The following SSH3 variants were observed in gnomAD, a reference collection of about 807,000 sequenced individuals.
The protein encoded by SSH3 is protein phosphatase Slingshot homolog 3.
Under a neutral mutation model 75.0 loss-of-function variants are expected in SSH3, and 67 were observed. The ratio of observed to expected loss-of-function variants is 0.89; its 90% confidence interval spans 0.73 to 1.10. SSH3 has a LOEUF of 1.10. Ranked by LOEUF, SSH3 falls within the 50% of genes least tolerant of loss-of-function variation. The probability of loss-of-function intolerance (pLI) is 0.00; values close to 1 mark genes in which losing one functional copy is unlikely to be tolerated. For missense variants in SSH3, 824 were observed against 872.7 expected, an observed-to-expected ratio of 0.94 and a Z score of 0.70; for synonymous variants, 318 against 349.2, an observed-to-expected ratio of 0.91 and a Z score of 1.00.
At position 67,304,855 on chromosome 11, in the gene SSH3, GAGCCAACAGAGA is replaced by G. The variant is rs1425823457; in HGVS notation, c.190_201del (p.Pro64_Lys67del). On this transcript the variant is annotated inframe_deletion, in exon 3 of 14. Coordinates refer to ENST00000308127, the MANE Select transcript of SSH3 (RefSeq NM_017857.4). ...TGATGATGCAGCAGAGGCCAGTTCT[GAGCCAACAGAGA>G]AGGCCCCGAGTGAGGAGGAGCTCCA... 6.2e-7 allele frequency: 1 copy of G among 1,613,884 alleles called. No individual in the cohort carries two copies. The highest frequency in any genetic ancestry group is 2.2e-5 in the East Asian group (1 of 44,862).
At chr11:67,309,160 A>G in intron 10 of SSH3, 1 of 556,498 alleles carries the variant, frequency 1.8e-6, no homozygotes, top group Non-Finnish European at 3.2e-6. Flanking sequence ...GAAGGGCTGG[A>G]GTTGCAGTTG....
At chr11:67,311,533 T>C in intron 13 of SSH3, 58 bp from the exon 14 acceptor site, 1 of 1,598,382 alleles carries the variant, frequency 6.3e-7, no homozygotes. Flanking sequence ...GCTCTGTGCT[T>C]GGGCACCCCT....
At chr11:67,304,439 C>G (rs1332472931) in intron 2 of SSH3, among the ~76,000 whole-genome samples, 22 of 152,206 alleles carry the variant, frequency 1.4e-4, no homozygotes, top group Non-Finnish European at 1.3e-4. Flanking sequence ...CATGATGGGC[C>G]TGAGGACTCC....
intron 13 of SSH3, 21 bp from the exon 14 acceptor site, chr11:67,311,570 C>T (rs375916736): frequency 1.9e-5 from 30 of 1,612,258 alleles, no homozygotes; most frequent in East Asian, 6.7e-5. Flanking sequence ...CCATGGCTTC[C>T]GTATCCTCAC....
intron 1 of SSH3, 82 bp from the exon 2 acceptor site, chr11:67,304,036 C>G: frequency 6.7e-7 from 1 of 1,499,374 alleles, no homozygotes; most frequent in Non-Finnish European, 8.9e-7. Flanking sequence ...TTTCTGGCCT[C>G]CCCCAACTCT....
rs1253181375 is a variant in SSH3 at position 67,307,554 on chromosome 11, C to T, written c.608C>T (p.Thr203Ile). 12 of 1,609,446 alleles carry T rather than the reference C, an allele frequency of 7.5e-6. No homozygotes were observed. Among genetic ancestry groups the T allele is most frequent in the Non-Finnish European group, 1.0e-5 (12 of 1,177,238 alleles). The change falls in exon 7 of 14, where the codon ACA (threonine) becomes ATA (isoleucine). Residue 203 changes from threonine (T) to isoleucine (I), a missense_variant. Transcript: ENST00000308127. The surrounding 1 kb of genome is among the most constrained non-coding windows in gnomAD (Gnocchi z 4.2). ...KPISIQTMWA[T>I]LQVLHQACEA... ...AGCCTCTCCTCCTGTCTCAGGGCCA[C>T]ACTCCAGGTATTGCACCAAGCATGT...
rs374942490 is a variant in SSH3 at position 67,308,233 on chromosome 11, C to T, written c.945C>T (p.Ile315=). ...GLPLQQYRDF[I]DNQMLLLVAQ... ...CCCTCCAGCAGTACCGTGACTTCAT[C>T]GACAACCAGATGCTGCTGCTGGTGG... The change falls in exon 9 of 14, where the codon ATC becomes ATT. Residue 315 remains isoleucine, a synonymous_variant. Transcript: ENST00000308127. The surrounding 1 kb of genome is among the most constrained non-coding windows in gnomAD (Gnocchi z 4.9). 12 of 1,614,014 alleles carry T rather than the reference C, an allele frequency of 7.4e-6. No individual in the cohort carries two copies. Among genetic ancestry groups the T allele is most frequent in the African/African-American group, 6.7e-5 (5 of 74,944 alleles).
rs774201005 is a variant in SSH3 at position 67,308,197 on chromosome 11, C to A, written c.909C>A (p.Arg303=). Residue 303 remains arginine, a synonymous_variant, in exon 9 of 14, where the codon CGC becomes CGA. Coordinates refer to ENST00000308127, the MANE Select transcript of SSH3 (RefSeq NM_017857.4). The surrounding 1 kb of genome is among the most constrained non-coding windows in gnomAD (Gnocchi z 4.9). ...AGATCCGCCAGGCTCTGGAGCTGCG[C>A]CTGGGGCTCCCCCTCCAGCAGTACC... ...SKEIRQALEL[R]LGLPLQQYRD... The A allele has an allele frequency of 1.9e-6, 3 of 1,613,890 alleles. No homozygotes were observed. The South Asian group carries it at 3.3e-5, about 18-fold the overall frequency.
In SSH3 at chr11:67,307,255, G is replaced by A. The variant is rs1302511440; in HGVS notation, c.537-116G>A. 1.5e-5 allele frequency: 24 copies of A among 1,561,004 alleles called. No homozygotes were observed. Among genetic ancestry groups the A allele is most frequent in the South Asian group, 2.3e-5 (2 of 86,114 alleles). On this transcript the variant is annotated intron_variant, in intron 5 of 13. Transcript: ENST00000308127. This position sits in a 1 kb window ranked among gnomAD's most constrained non-coding sequence, Gnocchi z 4.2. ...CTCCCAGCTCCACGTCAGATTCACC[G>A]TGATCCTGAGCAAGGCACCTGACTC...
At position 67,312,023 on chromosome 11, in the gene SSH3, CCT is replaced by C. The variant is rs991277883; in HGVS notation, c.*137_*138del. On this transcript the variant is annotated 3_prime_UTR_variant, in exon 14 of 14. Transcript: ENST00000308127. ...CGTCACTACAGCCTCACCTCCCACC[CCT>C]GTCACTACGGCCTCACCTCCCACCC... 2.4e-4 allele frequency: 279 copies of C among 1,167,776 alleles called. No homozygotes were observed. In the African/African-American group the frequency reaches 2.9e-3, roughly 12 times the overall value. 72.3% of individuals were successfully genotyped at this position (1,167,776 alleles called of 1,614,324 possible).
Position 67,305,015 on chromosome 11 carries a change from C to T in SSH3, c.339+8C>T, listed in dbSNP as rs763159223. 161 of 1,603,048 alleles carry T rather than the reference C, an allele frequency of 1.0e-4. No individual in the cohort carries two copies. The highest frequency in any genetic ancestry group is 1.3e-4 in the Non-Finnish European group (154 of 1,176,120). On this transcript the variant is annotated splice_region_variant and intron_variant, in intron 3 of 13. Coordinates refer to ENST00000308127, the MANE Select transcript of SSH3 (RefSeq NM_017857.4). ...CAGGATGACATCCGCCTGGTGAGGGCCCATGTGGAGCTCCGGGGGGTGGGG... is the reference window on the plus strand; with the variant it reads ...CAGGATGACATCCGCCTGGTGAGGGTCCATGTGGAGCTCCGGGGGGTGGGG...
intron 13 of SSH3, among the ~76,000 whole-genome samples, 189 bp from the exon 14 acceptor site, chr11:67,311,402 G>T (rs1437222046): frequency 6.6e-6 from 1 of 152,196 alleles, no homozygotes; most frequent in Admixed American, 6.5e-5. Context: ...CTGGGGTGTT[G>T]TCCTCCCTCC....
At chr11:67,306,803 G>T (rs1306237784) in intron 3 of SSH3, 35 bp from the exon 4 acceptor site, 3 of 1,584,650 alleles carry the variant, frequency 1.9e-6, no homozygotes, top group Admixed American at 3.4e-5. Context: ...GGTCCTTGGG[G>T]CCACTGTGAC....
chr11:67,303,639 CAGTG>C lies in SSH3; in HGVS notation c.17_20del (p.Val6AlafsTer99), dbSNP rs1332543578. 2.6e-6 allele frequency: 4 copies of C among 1,515,076 alleles called. No individual in the cohort carries two copies. The highest frequency in any genetic ancestry group is 3.5e-6 in the Non-Finnish European group (4 of 1,138,264). 93.9% of individuals were successfully genotyped at this position (1,515,076 alleles called of 1,614,324 possible). On this transcript the variant is annotated frameshift_variant, in exon 1 of 14. Coordinates refer to ENST00000308127, the MANE Select transcript of SSH3 (RefSeq NM_017857.4). LOFTEE classifies it high-confidence loss of function. Reference sequence around the variant, plus strand: ...CGGCCTGGCTCCATGGCCCTGGTCACAGTGAGCCGTTCGCCCCCGGGCAGCGGCG... The same window carrying C: ...CGGCCTGGCTCCATGGCCCTGGTCACAGCCGTTCGCCCCCGGGCAGCGGCG...
intron 1 of SSH3, 140 bp from the exon 2 acceptor site, chr11:67,303,978 C>A: frequency 8.5e-7 from 1 of 1,176,242 alleles, no homozygotes; most frequent in South Asian, 1.5e-5. Context: ...ACGGGGCCTC[C>A]CGGTGGGGCG....
Position 67,310,125 on chromosome 11 carries a change from C to T in SSH3, c.1469C>T (p.Ala490Val). 1 of 1,614,148 alleles carries T rather than the reference C, an allele frequency of 6.2e-7. No homozygotes were observed. Among genetic ancestry groups the T allele is most frequent in the Non-Finnish European group, 8.5e-7 (1 of 1,180,044 alleles). The change falls in exon 13 of 14, where the codon GCC becomes GTC. Residue 490 changes from alanine to valine, a missense_variant. By Grantham distance (64) the Ala-to-Val change is moderately conservative. Transcript: ENST00000308127. ...VGGVSPEEHP[A>V]PEVSTPFPPL... ...GGGGTCTCCCCAGAGGAGCACCCAG[C>T]CCCTGAAGTCTCTACACCATTCCCA...
intron 2 of SSH3, 131 bp from the exon 3 acceptor site, chr11:67,304,642 C>T (rs911887131): frequency 1.1e-6 from 1 of 885,776 alleles, no homozygotes; most frequent in Non-Finnish European, 1.8e-6. Context: ...CACTCTAGAC[C>T]TATCGACCGC....
Position 67,312,025 on chromosome 11 carries a change from T to C in SSH3, c.*138T>C, listed in dbSNP as rs1197969123. ...TCACTACAGCCTCACCTCCCACCCC[T>C]GTCACTACGGCCTCACCTCCCACCC... On this transcript the variant is annotated 3_prime_UTR_variant, in exon 14 of 14. Coordinates refer to ENST00000308127, the MANE Select transcript of SSH3 (RefSeq NM_017857.4). The C allele has an allele frequency of 1.6e-5, 18 of 1,147,664 alleles. No homozygotes were observed. Among genetic ancestry groups the C allele is most frequent in the Non-Finnish European group, 2.1e-5 (18 of 853,082 alleles). The allele number at this position is 1,147,664 out of a possible 1,614,324, so 71.1% of individuals were successfully genotyped here.
Position 67,310,241 on chromosome 11 carries a change from C to T in SSH3, c.1585C>T (p.Arg529Trp), listed in dbSNP as rs144774998. ...AGCCCCGAAAGAAGAGCCTGGGCCA[C>T]GGCCACGTATAAACCTCCGAGGGGT... ...QAAPKEEPGP[R>W]PRINLRGVMR... The change falls in exon 13 of 14, where the codon CGG becomes TGG. Residue 529 changes from arginine to tryptophan, a missense_variant. Arg to Trp is a moderately radical substitution (Grantham distance 101, BLOSUM62 -3). Coordinates refer to ENST00000308127, the MANE Select transcript of SSH3 (RefSeq NM_017857.4). 3.7e-4 allele frequency: 603 copies of T among 1,614,076 alleles called. No individual in the cohort carries two copies. Among genetic ancestry groups the T allele is most frequent in the African/African-American group, 2.1e-3 (160 of 74,936 alleles).
Sources: allele counts gnomAD v4.1 joint callset (sites outside exome capture counted in the v4.1 genomes callset), GRCh38; gene constraint gnomAD v4.1.1; non-coding constraint Gnocchi (gnomAD v3.1); transcripts MANE v1.5; gene names NCBI Gene and HGNC (gene_info 2026-07-23, HGNC 2026-07-21).